The following DAB2IP variants were observed in gnomAD, a reference collection of about 807,000 sequenced individuals.
DAB2IP encodes disabled homolog 2-interacting protein.
A neutral mutation model predicts 107.2 loss-of-function variants in DAB2IP; 28 were observed. The observed-to-expected ratio is 0.26, with a 90% confidence interval of 0.19 to 0.36. The LOEUF (loss-of-function observed/expected upper bound fraction) is 0.36. DAB2IP is among the 10% of genes least tolerant of loss of function. The probability of loss-of-function intolerance (pLI) is 1.00; values close to 1 mark genes in which losing one functional copy is unlikely to be tolerated. For synonymous variants in DAB2IP, 755 were observed against 706.4 expected (o/e 1.07, Z -1.09); for missense variants, 1,400 against 1,644.7 (o/e 0.85, Z 2.57).
intron 1 of DAB2IP, among the ~76,000 whole-genome samples, chr9:121,659,301 T>C (rs1302994236): frequency 1.3e-5 from 2 of 152,188 alleles, no homozygotes; most frequent in Admixed American, 1.3e-4. Flanking sequence ...TTTCTATCCA[T>C]TTACACCTCT....
chr9:121,737,751 C>T (rs988706456), intron 3 of DAB2IP: 2 of 985,316 alleles, frequency 2.0e-6, no homozygotes, highest in Non-Finnish European at 2.4e-6. Flanking sequence ...AGGACAGACA[C>T]CACAAGGAAA....
chr9:121,603,773 T>G (rs1052062651), intron 1 of DAB2IP, among the ~76,000 whole-genome samples: 2 of 152,214 alleles, frequency 1.3e-5, no homozygotes, highest in African/African-American at 4.8e-5. Context: ...TGTCCAGATC[T>G]CTGAGGTTCT....
chr9:121,570,492 C>T (rs1004305019), intron 1 of DAB2IP, among the ~76,000 whole-genome samples: 5 of 152,018 alleles, frequency 3.3e-5, no homozygotes, highest in Admixed American at 2.0e-4. Flanking sequence ...GACAGAGCCA[C>T]GCTGGGAGTT....
Position 121,782,661 on chromosome 9 carries a change from C to G in DAB2IP, c.*163C>G. The stretch of plus-strand genomic sequence containing the variant: ...GTCCAGGAGGCGGCCGCAGAGGGAG[C>G]CACCAGAGACTGAAGCAGCGTGAGG... On this transcript the variant is annotated 3_prime_UTR_variant, in exon 16 of 16. Transcript: ENST00000408936. This position sits in a 1 kb window ranked among gnomAD's most constrained non-coding sequence, Gnocchi z 6.1. 2 of 1,448,676 alleles carry G rather than the reference C, an allele frequency of 1.4e-6. No homozygotes were observed. The highest frequency in any genetic ancestry group is 1.4e-5 in the South Asian group (1 of 69,390). The allele number at this position is 1,448,676 out of a possible 1,614,324, so 89.7% of individuals were successfully genotyped here.
chr9:121,655,412 A>G (rs1221819463), intron 1 of DAB2IP, among the ~76,000 whole-genome samples: 1 of 152,228 alleles, frequency 6.6e-6, no homozygotes, highest in Non-Finnish European at 1.5e-5. Flanking sequence ...CCATTCATTC[A>G]GCCAGTCAGC....
intron 3 of DAB2IP, among the ~76,000 whole-genome samples, chr9:121,709,901 CCT>C (rs1318361009): frequency 1.3e-5 from 2 of 152,120 alleles, no homozygotes; most frequent in Non-Finnish European, 2.9e-5. Context: ...CAGCCAGGGC[CCT>C]CTCTAGTATA....
intron 3 of DAB2IP, among the ~76,000 whole-genome samples, chr9:121,717,756 C>T (rs992891008): frequency 1.3e-5 from 2 of 152,158 alleles, no homozygotes; most frequent in Admixed American, 6.5e-5. Flanking sequence ...TTGAGCACCA[C>T]CTCCCTCTTC....
rs900286208 is a variant in DAB2IP at position 121,773,037 on chromosome 9, G to T, written c.2509G>T (p.Ala837Ser). 2.5e-6 allele frequency: 4 copies of T among 1,612,024 alleles called. No homozygotes were observed. Among genetic ancestry groups the T allele is most frequent in the Non-Finnish European group, 3.4e-6 (4 of 1,179,816 alleles). ...CCAGAACCCTGTGTACCAGATGGCG[G>T]CTGGCCTGCCGCTGTCACCCCGTGG... is the stretch of plus-strand genomic sequence containing the variant. The change falls in exon 12 of 16, where the codon GCT (alanine) becomes TCT (serine). Residue 837 changes from alanine to serine, a missense_variant. By Grantham distance (99) the Ala-to-Ser change is moderately conservative. Transcript: ENST00000408936.
chr9:121,637,309 G>A (rs1832122919), intron 1 of DAB2IP, among the ~76,000 whole-genome samples: 1 of 152,222 alleles, frequency 6.6e-6, no homozygotes, highest in African/African-American at 2.4e-5. Flanking sequence ...ACTCTCTGCT[G>A]GCTGAGCCTA....
chr9:121,635,909 G>T lies in DAB2IP; in HGVS notation c.41-42769G>T, dbSNP rs369326307. On this transcript the variant is annotated intron_variant, in intron 1 of 16. Coordinates refer to the DAB2IP transcript ENST00000259371. This position sits in a 1 kb window ranked among gnomAD's most constrained non-coding sequence, Gnocchi z 4.3. ...TCCCCTGTTTAGATGTCTTTTTTGG[G>T]GGGGGGTCTGGGGGATGGAGTCTTG... 6.4e-5 allele frequency among the ~76,000 whole-genome samples: 8 copies of T among 124,868 alleles called. 1 individual carries two copies. Among genetic ancestry groups the T allele is most frequent in the African/African-American group, 2.0e-4 (6 of 29,622 alleles). The allele number at this position is 124,868 out of a possible 152,430, so 81.9% of individuals were successfully genotyped here.
chr9:121,628,486 A>G (rs1312671849), intron 1 of DAB2IP, among the ~76,000 whole-genome samples: 2 of 152,208 alleles, frequency 1.3e-5, no homozygotes, highest in Admixed American at 6.5e-5. Context: ...GTTGGAGGTG[A>G]TAAGGAAAGA....
At chr9:121,666,366 C>T (rs775029477) in intron 1 of DAB2IP, among the ~76,000 whole-genome samples, 8 of 152,190 alleles carry the variant, frequency 5.3e-5, no homozygotes, top group South Asian at 2.1e-4. Flanking sequence ...GGGATTAGGA[C>T]GCATGGTTCC....
At chr9:121,726,241 T>C (rs1204446954) in intron 3 of DAB2IP, among the ~76,000 whole-genome samples, 1 of 152,220 alleles carries the variant, frequency 6.6e-6, no homozygotes, top group African/African-American at 2.4e-5. Context: ...GAAGCTTTTA[T>C]AAAAACCCAA....
intron 1 of DAB2IP, among the ~76,000 whole-genome samples, chr9:121,624,796 T>C (rs930995825): frequency 6.6e-5 from 10 of 152,232 alleles, no homozygotes; most frequent in African/African-American, 2.4e-4. Context: ...TCCATCATTA[T>C]GTAACACACA....
intron 1 of DAB2IP, among the ~76,000 whole-genome samples, chr9:121,616,742 C>T (rs1331568546): frequency 6.6e-6 from 1 of 152,166 alleles, no homozygotes; most frequent in East Asian, 1.9e-4. Flanking sequence ...GAGTACCGGC[C>T]CTGGCCCGAC....
At chr9:121,648,352 C>G (rs10985341), upstream of DAB2IP, among the ~76,000 whole-genome samples, 1 of 152,214 alleles carries the variant, frequency 6.6e-6, no homozygotes, top group East Asian at 1.9e-4. Context: ...GAGGGAAGAC[C>G]TTGGTGGCAG....
intron 10 of DAB2IP, among the ~76,000 whole-genome samples, chr9:121,769,886 C>T (rs1230762703): frequency 6.6e-6 from 1 of 152,248 alleles, no homozygotes; most frequent in Non-Finnish European, 1.5e-5. Flanking sequence ...CAACTGTTTG[C>T]CTCTCAATTG....
At chr9:121,726,491 A>C (rs1831243055) in intron 3 of DAB2IP, among the ~76,000 whole-genome samples, 1 of 152,238 alleles carries the variant, frequency 6.6e-6, no homozygotes, top group African/African-American at 2.4e-5. Context: ...GTTGATAGCC[A>C]GTCGGTGGGA....
intron 1 of DAB2IP, among the ~76,000 whole-genome samples, chr9:121,652,715 TTATC>T (rs1832803497): frequency 6.6e-6 from 1 of 151,882 alleles, no homozygotes; most frequent in South Asian, 2.1e-4. Flanking sequence ...CACCATCAGG[TTATC>T]TTGAAAGTGG....
Sources: gnomAD v4.1 joint callset for allele counts (sites outside exome capture counted in the v4.1 genomes callset) on GRCh38, gnomAD v4.1.1 for gene constraint, Gnocchi (gnomAD v3.1) non-coding constraint, MANE v1.5 for transcripts, NCBI Gene and HGNC (gene_info 2026-07-23, HGNC 2026-07-21) for gene names.